VPS50: variants seen among roughly 807,000 people sequenced by gnomAD.
VPS50 encodes the protein syndetin.
A neutral mutation model predicts 139.7 loss-of-function variants in VPS50; 70 were observed. The ratio of observed to expected loss-of-function variants is 0.50; its 90% CI spans 0.41 to 0.61. VPS50 has a LOEUF of 0.61. Among genes scored for constraint, VPS50 ranks in the 20% least tolerant of loss-of-function variants. VPS50 has a pLI of 0.00. For synonymous variants in VPS50, 365 were observed against 376.7 expected (o/e 0.97, Z 0.36); for missense variants, 921 against 1,133.7 (o/e 0.81, Z 2.69).
intron 16 of VPS50, 150 bp downstream of exon 16, chr7:93,297,393 T>A (rs1796842258): frequency 3.6e-6 from 3 of 823,972 alleles, no homozygotes; most frequent in Non-Finnish European, 5.0e-6. Flanking sequence ...AGGATTTTTT[T>A]AACCAAAATA....
At chr7:93,314,163 C>A (rs1018001168) in intron 20 of VPS50, among the ~76,000 whole-genome samples, 1 of 152,112 alleles carries the variant, frequency 6.6e-6, no homozygotes, top group South Asian at 2.1e-4. Flanking sequence ...ATGCTTCTTC[C>A]TACAAAGGGA....
At chr7:93,345,091 TAAAGAA>T (rs1262392682) in intron 23 of VPS50, among the ~76,000 whole-genome samples, 2 of 150,986 alleles carry the variant, frequency 1.3e-5, no homozygotes, top group African/African-American at 2.4e-5. Context: ...GCAAGACTAA[TAAAGAA>T]AAAAAGAGAG....
At chr7:93,243,131 A>C (rs1268845160) in intron 2 of VPS50, among the ~76,000 whole-genome samples, 1 of 152,032 alleles carries the variant, frequency 6.6e-6, no homozygotes, top group East Asian at 1.9e-4. Flanking sequence ...TCAAATGGTA[A>C]TCTATATACT....
intron 21 of VPS50, among the ~76,000 whole-genome samples, chr7:93,331,607 C>G (rs907841233): frequency 4.6e-5 from 7 of 151,974 alleles, no homozygotes; most frequent in African/African-American, 7.2e-5. Flanking sequence ...TTTGTAAGAC[C>G]TAAAGAAGTT....
chr7:93,260,504 A>G (rs974035811), intron 9 of VPS50, among the ~76,000 whole-genome samples: 1 of 152,202 alleles, frequency 6.6e-6, no homozygotes, highest in African/African-American at 2.4e-5. Flanking sequence ...TAAAAGAATT[A>G]TAATAGAGCA....
At chr7:93,248,865 G>A (rs868164929) in intron 2 of VPS50, among the ~76,000 whole-genome samples, 1 of 152,002 alleles carries the variant, frequency 6.6e-6, no homozygotes, top group Non-Finnish European at 1.5e-5. Context: ...ATCAGAAGGG[G>A]GTTTGAATAA....
intron 9 of VPS50, chr7:93,270,951 G>A (rs1040683810): frequency 9.6e-6 from 3 of 312,482 alleles, no homozygotes; most frequent in Non-Finnish European, 1.6e-5. Context: ...TTATGTAAAA[G>A]TTACCAATTT....
chr7:93,347,847 G>C (rs1253050065), intron 23 of VPS50, among the ~76,000 whole-genome samples: 1 of 110,726 alleles, frequency 9.0e-6, no homozygotes, highest in East Asian at 3.3e-4. Flanking sequence ...GAGGGGGGAG[G>C]GATAGCACTG....
chr7:93,295,548 A>G (rs929786593), intron 14 of VPS50: 8 of 152,090 alleles, frequency 5.3e-5, no homozygotes, highest in Non-Finnish European at 8.8e-5. Context: ...ATAATTTGTT[A>G]CTTCTTAGAT....
intron 13 of VPS50, among the ~76,000 whole-genome samples, chr7:93,293,303 G>A (rs1796702652): frequency 1.3e-5 from 2 of 152,154 alleles, no homozygotes; most frequent in Non-Finnish European, 2.9e-5. Flanking sequence ...GTTTGGAATA[G>A]AATTAACACA....
rs536625863 is a variant in VPS50, at chr7:93,335,908, A to G, written c.2058+1711A>G. Among the ~76,000 whole-genome samples, 3 of 152,326 alleles carry G rather than the reference A, an allele frequency of 2.0e-5. No homozygotes were observed. In the South Asian group the frequency reaches 6.2e-4, roughly 32 times the overall value. ...GATGTGGATTTCTGCCTCAGATTTT[A>G]CCACATAGTGTATAATGAATTATTA... On this transcript the variant is annotated intron_variant, in intron 22 of 27. Transcript: ENST00000305866.
chr7:93,267,911 G>A (rs1795889483), intron 9 of VPS50, among the ~76,000 whole-genome samples: 1 of 152,158 alleles, frequency 6.6e-6, no homozygotes, highest in African/African-American at 2.4e-5. Flanking sequence ...GGTCTTACAT[G>A]CCATACTAAT....
At chr7:93,238,215 C>G (rs1794876120) in intron 1 of VPS50, among the ~76,000 whole-genome samples, 1 of 152,060 alleles carries the variant, frequency 6.6e-6, no homozygotes, top group African/African-American at 2.4e-5. Flanking sequence ...GAATTCGAGA[C>G]AGGGAAGAAC....
At chr7:93,343,831 G>A (rs1163972577) in intron 23 of VPS50, among the ~76,000 whole-genome samples, 10 of 152,072 alleles carry the variant, frequency 6.6e-5, no homozygotes, top group South Asian at 2.1e-4. Flanking sequence ...TGAAGGAAGC[G>A]CTAAACCTGG....
intron 12 of VPS50, 31 bp downstream of exon 12, chr7:93,276,336 T>A (rs372559494): frequency 1.9e-6 from 3 of 1,575,618 alleles, no homozygotes; most frequent in Non-Finnish European, 2.6e-6. Flanking sequence ...TATTCATATA[T>A]CTCTCCTTTA....
chr7:93,328,826 G>A (rs1168384307), intron 21 of VPS50, among the ~76,000 whole-genome samples: 2 of 152,130 alleles, frequency 1.3e-5, no homozygotes, highest in Admixed American at 6.5e-5. Flanking sequence ...AATCCAGAGA[G>A]AGGATTTCCA....
At chr7:93,334,090 G>T in intron 21 of VPS50, 27 bp from the exon 22 acceptor site, 1 of 1,272,778 alleles carries the variant, frequency 7.9e-7, no homozygotes, top group Non-Finnish European at 1.1e-6. Context: ...TCTTTAGAAC[G>T]ATATAACAAG....
chr7:93,256,141 T>C (rs1225106220), intron 4 of VPS50, among the ~76,000 whole-genome samples: 4 of 152,184 alleles, frequency 2.6e-5, no homozygotes, highest in Middle Eastern at 3.2e-3. Context: ...CGCCATAAAT[T>C]CAGTTGATTA....
intron 18 of VPS50, 47 bp from the exon 19 acceptor site, chr7:93,308,777 A>G: frequency 1.0e-6 from 1 of 999,528 alleles, no homozygotes; most frequent in Non-Finnish European, 1.6e-6. Context: ...CACCCCACGA[A>G]AAGAGGCCCT....
Sources: allele counts gnomAD v4.1 joint callset (sites outside exome capture counted in the v4.1 genomes callset), GRCh38; gene constraint gnomAD v4.1.1; transcripts MANE v1.5; gene names NCBI Gene and HGNC (gene_info 2026-07-23, HGNC 2026-07-21).